Variants in EXD2 observed in about 807,000 individuals in gnomAD.
EXD2 encodes the protein exonuclease 3'-5' domain-containing protein 2.
A neutral mutation model predicts 62.5 loss-of-function variants in EXD2; 40 were observed. The observed-to-expected ratio is 0.64, with a 90% CI of 0.50 to 0.83. The LOEUF (loss-of-function observed/expected upper bound fraction) is 0.83, where lower values mean the gene tolerates loss of function less well. EXD2 is among the 40% of genes least tolerant of loss of function. EXD2 has a pLI of 0.00. For missense variants in EXD2, 671 were observed against 761.8 expected (o/e 0.88, Z 1.40); for synonymous variants, 239 against 291.9 (o/e 0.82, Z 1.85).
intron 2 of EXD2, among the ~76,000 whole-genome samples, chr14:69,206,593 C>T (rs1235733207): frequency 1.3e-5 from 2 of 151,814 alleles, no homozygotes; most frequent in African/African-American, 4.8e-5. Flanking sequence ...TATCCTCCCA[C>T]CTCAGGCCCC....
chr14:69,207,257 G>C (rs2042634759), intron 2 of EXD2, among the ~76,000 whole-genome samples: 1 of 152,092 alleles, frequency 6.6e-6, no homozygotes, highest in African/African-American at 2.4e-5. Flanking sequence ...ATTTTGGGAG[G>C]CTGAGACAGG....
At chr14:69,208,042 G>A (rs1275770101) in intron 2 of EXD2, among the ~76,000 whole-genome samples, 2 of 151,652 alleles carry the variant, frequency 1.3e-5, no homozygotes, top group Admixed American at 6.6e-5. Flanking sequence ...GGGATTACAG[G>A]TGCCCACCAC....
intron 1 of EXD2, among the ~76,000 whole-genome samples, chr14:69,193,209 C>G (rs747111194): frequency 6.6e-6 from 1 of 152,116 alleles, no homozygotes; most frequent in Non-Finnish European, 1.5e-5. Context: ...CAGGCACCCG[C>G]TACCACGCCT....
intron 2 of EXD2, among the ~76,000 whole-genome samples, chr14:69,207,091 T>C (rs2042629434): frequency 6.6e-6 from 1 of 152,252 alleles, no homozygotes; most frequent in Non-Finnish European, 1.5e-5. Context: ...GCATAACTAT[T>C]ACCACTTTTC....
At chr14:69,195,213 T>A (rs2042162142) in intron 1 of EXD2, among the ~76,000 whole-genome samples, 1 of 89,770 alleles carries the variant, frequency 1.1e-5, no homozygotes, top group Non-Finnish European at 2.1e-5. Context: ...CGAGACTCTG[T>A]CTCAAAAAAA....
chr14:69,228,529 G>A (rs2043448962), intron 3 of EXD2, among the ~76,000 whole-genome samples: 1 of 152,026 alleles, frequency 6.6e-6, no homozygotes, highest in South Asian at 2.1e-4. Flanking sequence ...CCATATGACT[G>A]CCAGTGTATG....
intron 3 of EXD2, among the ~76,000 whole-genome samples, chr14:69,220,891 T>C (rs1379270212): frequency 6.6e-6 from 1 of 151,992 alleles, no homozygotes; most frequent in African/African-American, 2.4e-5. Flanking sequence ...CAATAAGAGA[T>C]AGAGTTGTCC....
At chr14:69,202,834 A>G (rs1055872054) in intron 1 of EXD2, among the ~76,000 whole-genome samples, 5 of 152,218 alleles carry the variant, frequency 3.3e-5, no homozygotes, top group Admixed American at 3.3e-4. Flanking sequence ...TGAAATTTAG[A>G]AGAAGGATTT....
At chr14:69,231,891 G>GA (rs1318059220) in intron 5 of EXD2, among the ~76,000 whole-genome samples, 2 of 114,664 alleles carry the variant, frequency 1.7e-5, no homozygotes, top group African/African-American at 6.8e-5. Context: ...AGTTTCTTGA[G>GA]AAAGGGAGCA....
At chr14:69,221,909 TAAA>T (rs60647735) in intron 3 of EXD2, among the ~76,000 whole-genome samples, 6 of 52,032 alleles carry the variant, frequency 1.2e-4, no homozygotes, top group East Asian at 8.3e-4. Flanking sequence ...CTGTCTCTAC[TAAA>T]AAAAAAAAAA....
intron 8 of EXD2, among the ~76,000 whole-genome samples, chr14:69,237,265 C>T (rs1488540329): frequency 1.3e-5 from 2 of 152,192 alleles, no homozygotes; most frequent in South Asian, 4.1e-4. Context: ...CTTTTCAGTT[C>T]TCTGAGACTT....
chr14:69,241,254 C>T lies in EXD2; in HGVS notation c.*154C>T. ...TAATCCCAGGATGCTTCTGCTGGAGCAAAGATATTGTTTGAAGGAGAGTTT... is the reference window on the plus strand; with the variant it reads ...TAATCCCAGGATGCTTCTGCTGGAGTAAAGATATTGTTTGAAGGAGAGTTT... On this transcript the variant is annotated 3_prime_UTR_variant, in exon 10 of 10. Coordinates refer to ENST00000685843, the MANE Select transcript of EXD2 (RefSeq NM_001193360.2). The T allele has an allele frequency of 6.3e-6, 4 of 638,252 alleles. No homozygotes were observed. Among genetic ancestry groups the T allele is most frequent in the South Asian group, 4.3e-5 (2 of 46,926 alleles). 39.5% of individuals were successfully genotyped at this position (638,252 alleles called of 1,614,324 possible).
chr14:69,213,434 G>A (rs984036313), intron 3 of EXD2, among the ~76,000 whole-genome samples: 3 of 135,210 alleles, frequency 2.2e-5, no homozygotes, highest in African/African-American at 8.3e-5. Flanking sequence ...GCAGTTGTGT[G>A]AGCATGGCTC....
At chr14:69,230,324 C>T in intron 4 of EXD2, 148 bp from the exon 5 acceptor site, 2 of 580,008 alleles carry the variant, frequency 3.4e-6, no homozygotes, top group African/African-American at 1.9e-5. Flanking sequence ...AAGTGTTTCA[C>T]AAATAGATAA....
chr14:69,236,464 C>T lies in EXD2; in HGVS notation c.1214C>T (p.Pro405Leu). 6.2e-7 allele frequency: 1 copy of T among 1,614,054 alleles called. No individual in the cohort carries two copies. The highest frequency in any genetic ancestry group is 8.5e-7 in the Non-Finnish European group (1 of 1,180,014). Residue 405 changes from proline to leucine, a missense_variant, in exon 8 of 10, where the codon CCC (proline) becomes CTC (leucine). Pro to Leu is a moderately conservative substitution (Grantham distance 98, BLOSUM62 -3). Transcript: ENST00000685843. ...VKLRFEPAGRPESPGDYYLMV... is the reference protein window; with the variant it reads ...VKLRFEPAGRLESPGDYYLMV... ...CTACGGTTTGAACCTGCAGGAAGGC[C>T]CGAATCTCCTGGAGACTATTACTTG...
At chr14:69,226,714 C>T (rs531713959) in intron 3 of EXD2, among the ~76,000 whole-genome samples, 1 of 151,596 alleles carries the variant, frequency 6.6e-6, no homozygotes, top group African/African-American at 2.4e-5. Flanking sequence ...CACTACTGTA[C>T]TCCAGCCTAG....
chr14:69,197,786 A>G (rs912234782), intron 1 of EXD2, among the ~76,000 whole-genome samples: 5 of 152,014 alleles, frequency 3.3e-5, no homozygotes, highest in Non-Finnish European at 7.4e-5. Flanking sequence ...TCATTCTTTT[A>G]AAAAGTTTTT....
intron 4 of EXD2, 128 bp downstream of exon 4, chr14:69,229,200 C>A: frequency 8.1e-7 from 1 of 1,237,370 alleles, no homozygotes; most frequent in Non-Finnish European, 1.1e-6. Context: ...TTCTAAGATG[C>A]ATATTGAATT....
At chr14:69,192,901 C>T (rs965839714) in intron 1 of EXD2, among the ~76,000 whole-genome samples, 1 of 152,046 alleles carries the variant, frequency 6.6e-6, no homozygotes, top group African/African-American at 2.4e-5. Context: ...CACAGTATGG[C>T]GGAGAACATC....
Sources: gnomAD v4.1 joint callset for allele counts (sites outside exome capture counted in the v4.1 genomes callset) on GRCh38, gnomAD v4.1.1 for gene constraint, MANE v1.5 for transcripts, NCBI Gene and HGNC (gene_info 2026-07-23, HGNC 2026-07-21) for gene names.